Variants in MDM1 observed in about 807,000 individuals in gnomAD.
MDM1 encodes stabilizer of axonemal microtubules 6.
Under a neutral mutation model 89.1 loss-of-function variants are expected in MDM1, and 61 were observed. That is an observed-to-expected ratio of 0.68 (90% CI 0.56 to 0.85). MDM1 has a LOEUF of 0.85. Ranked by LOEUF, MDM1 falls within the 40% of genes least tolerant of loss-of-function variation. The pLI is 0.00. For missense variants in MDM1, 820 were observed against 846.5 expected (o/e 0.97, Z 0.39); for synonymous variants, 290 against 294.1 (o/e 0.99, Z 0.14).
intron 7 of MDM1, 145 bp downstream of exon 7, chr12:68,321,202 A>G (rs966890473): frequency 8.3e-6 from 4 of 481,774 alleles, no homozygotes; most frequent in Admixed American, 7.6e-5. Flanking sequence ...ATTCTAATAC[A>G]TAAGTTCCTG....
At chr12:68,302,986 G>GACCA in intron 12 of MDM1, 114 bp from the exon 13 acceptor site, 1 of 553,392 alleles carries the variant, frequency 1.8e-6, no homozygotes, top group Non-Finnish European at 2.9e-6. Context: ...AGAAATATGA[G>GACCA]AGAATTTATG....
At position 68,316,292 on chromosome 12, in the gene MDM1, T is replaced by C. The variant is rs771312064; in HGVS notation, c.1036-39A>G. 14 of 1,557,618 alleles carry C rather than the reference T, an allele frequency of 9.0e-6. No individual in the cohort carries two copies. The South Asian group carries it at 1.3e-4, about 14-fold the overall frequency. On this transcript the variant is annotated intron_variant, in intron 8 of 14. Transcript: ENST00000682720. ...TTCAGACATCATATACTATTGTAAATGCTTCTTTACAAACAGCACCAAGTA... is the reference window on the plus strand; with the variant it reads ...TTCAGACATCATATACTATTGTAAACGCTTCTTTACAAACAGCACCAAGTA...
At chr12:68,325,627 T>A (rs778797453) in intron 3 of MDM1, 52 bp from the exon 4 acceptor site, 14 of 1,432,184 alleles carry the variant, frequency 9.8e-6, no homozygotes, top group Non-Finnish European at 1.3e-5. Context: ...CTATTCAAAC[T>A]TTTTAAAAAT....
At chr12:68,304,262 T>G (rs1872591330) in intron 12 of MDM1, among the ~76,000 whole-genome samples, 1 of 151,262 alleles carries the variant, frequency 6.6e-6, no homozygotes, top group African/African-American at 2.4e-5. Context: ...AAAAAAAAAA[T>G]TAAATTAAAT....
At chr12:68,297,589 T>C (rs1871582911) in intron 13 of MDM1, among the ~76,000 whole-genome samples, 1 of 152,204 alleles carries the variant, frequency 6.6e-6, no homozygotes, top group South Asian at 2.1e-4. Flanking sequence ...AAATATGTTT[T>C]TACAAAAATA....
chr12:68,295,500 T>A (rs1871256452), intron 14 of MDM1, 134 bp from the exon 15 acceptor site: 1 of 577,466 alleles, frequency 1.7e-6, no homozygotes, highest in Non-Finnish European at 3.1e-6. Context: ...AAAAAAGTAA[T>A]CTACTGAAAT....
At chr12:68,305,945 T>C (rs373464598) in intron 12 of MDM1, among the ~76,000 whole-genome samples, 186 of 101,654 alleles carry the variant, frequency 1.8e-3, no homozygotes, top group African/African-American at 6.2e-3. Flanking sequence ...CCCAAAGCAA[T>C]CCTAAGCAAA....
chr12:68,302,608 C>A lies in MDM1; in HGVS notation c.2002+12G>T, dbSNP rs1247918033. The A allele has an allele frequency of 1.3e-6, 2 of 1,595,392 alleles. No individual in the cohort carries two copies. On this transcript the variant is annotated intron_variant, in intron 13 of 14. Coordinates refer to ENST00000682720, the MANE Select transcript of MDM1 (RefSeq NM_001354969.2). Reference sequence around the variant, plus strand: ...ATTTTAAAAGACAAAAAATTAAAACCAAAATAATTACCATTGTGCTGAAAC... The same window carrying A: ...ATTTTAAAAGACAAAAAATTAAAACAAAAATAATTACCATTGTGCTGAAAC...
At chr12:68,295,396 C>T in intron 14 of MDM1, 30 bp from the exon 15 acceptor site, 12 of 1,356,324 alleles carry the variant, frequency 8.8e-6, no homozygotes, top group Non-Finnish European at 1.3e-5. Context: ...AGATTATATT[C>T]ATTGCCAAAA....
At chr12:68,320,079 C>A (rs768501377) in intron 7 of MDM1, among the ~76,000 whole-genome samples, 6 of 152,212 alleles carry the variant, frequency 3.9e-5, no homozygotes, top group South Asian at 2.1e-4. Flanking sequence ...CTAAACACAA[C>A]AGGCCAGCGG....
Position 68,317,763 on chromosome 12 carries a change from C to T in MDM1, c.1006-1153G>A, listed in dbSNP as rs545319641. Among the ~76,000 whole-genome samples the T allele has an allele frequency of 2.0e-5, 3 of 152,302 alleles. No homozygotes were observed. The South Asian group carries it at 6.2e-4, about 32-fold the overall frequency. ...AAGTGAGGTACATGAATTAACTCTA[C>T]TGAACTTCTAACCAGGGTATTCTGA... On this transcript the variant is annotated intron_variant, in intron 7 of 14. Transcript: ENST00000682720.
chr12:68,312,148 C>T (rs1034474620), intron 12 of MDM1, among the ~76,000 whole-genome samples: 1 of 152,168 alleles, frequency 6.6e-6, no homozygotes, highest in Non-Finnish European at 1.5e-5. Flanking sequence ...TTCCTCCAGT[C>T]TCAATACTTT....
At chr12:68,320,448 T>C (rs1238947932) in intron 7 of MDM1, among the ~76,000 whole-genome samples, 7 of 152,118 alleles carry the variant, frequency 4.6e-5, no homozygotes, top group Non-Finnish European at 8.8e-5. Flanking sequence ...CCTGAAACAA[T>C]ATGCAGACAG....
At chr12:68,332,093 G>T in intron 1 of MDM1, 135 bp downstream of exon 1, 1 of 1,269,388 alleles carries the variant, frequency 7.9e-7, no homozygotes, top group Non-Finnish European at 1.1e-6. Flanking sequence ...GGGGCCCCTC[G>T]AGCAGGCCCT....
At position 68,295,046 on chromosome 12, in the gene MDM1, T is replaced by C. The variant is rs1387174686; in HGVS notation, c.*208A>G. 4.5e-5 allele frequency: 15 copies of C among 332,408 alleles called. No homozygotes were observed. 20.6% of individuals were successfully genotyped at this position (332,408 alleles called of 1,614,324 possible). ...AAGAATTCAATAATCTAGGTCTTTG[T>C]ACTCTGGGATAGATGTAAAAAGAAT... On this transcript the variant is annotated 3_prime_UTR_variant, in exon 15 of 15. Coordinates refer to ENST00000682720, the MANE Select transcript of MDM1 (RefSeq NM_001354969.2).
In MDM1 at chr12:68,326,794, A is replaced by G; in HGVS notation, c.361T>C (p.Ser121Pro). The G allele has an allele frequency of 6.2e-7, 1 of 1,614,042 alleles. No homozygotes were observed. The highest frequency in any genetic ancestry group is 8.5e-7 in the Non-Finnish European group (1 of 1,179,980). ...EASRVPKRTRSHSADSRAEGA... is the reference protein window; with the variant it reads ...EASRVPKRTRPHSADSRAEGA... ...TCAGCTCTGGAGTCTGCAGAGTGAGATCTGGTTCTTTTGGGAACCCTGGAA... is the reference window on the plus strand; with the variant it reads ...TCAGCTCTGGAGTCTGCAGAGTGAGGTCTGGTTCTTTTGGGAACCCTGGAA... The change falls in exon 3 of 15, where the codon TCT becomes CCT. Residue 121 changes from serine (S) to proline (P), a missense_variant. Transcript: ENST00000682720.
intron 7 of MDM1, among the ~76,000 whole-genome samples, chr12:68,320,239 T>C (rs1277293787): frequency 6.6e-6 from 1 of 152,242 alleles, no homozygotes; most frequent in Non-Finnish European, 1.5e-5. Flanking sequence ...ACTGCCTTTC[T>C]TCCATCACGG....
At chr12:68,316,506 ACCTACTTTTTATTC>A in intron 8 of MDM1, 61 bp downstream of exon 8, 6 of 1,247,188 alleles carry the variant, frequency 4.8e-6, no homozygotes. Context: ...AAATATTGAC[ACCTACTTTTTATTC>A]CAACTGAAAT....
At chr12:68,311,361 A>T (rs1229158107) in intron 12 of MDM1, among the ~76,000 whole-genome samples, 1 of 152,138 alleles carries the variant, frequency 6.6e-6, no homozygotes, top group Admixed American at 6.6e-5. Flanking sequence ...CTCTGAGAAG[A>T]CTACTCTATG....
Sources: gnomAD v4.1 joint callset for allele counts (sites outside exome capture counted in the v4.1 genomes callset) on GRCh38, gnomAD v4.1.1 for gene constraint, MANE v1.5 for transcripts, NCBI Gene and HGNC (gene_info 2026-07-23, HGNC 2026-07-21) for gene names.